MALRD1: variants seen among roughly 807,000 people sequenced by gnomAD.
The protein encoded by MALRD1 is MAM and LDL receptor class A domain containing 1, also known as MAM and LDL-receptor class A domain-containing protein 1.
MALRD1 carries 247 observed loss-of-function variants against 242.1 expected under a neutral mutation model. That is an observed-to-expected ratio of 1.02 (90% CI 0.92 to 1.13). MALRD1 has a LOEUF of 1.13. MALRD1 is among the 50% of genes most tolerant of loss of function. MALRD1 has a pLI of 0.00. For missense variants in MALRD1, 2,989 were observed against 2,533.1 expected, an observed-to-expected ratio of 1.18 and a Z score of -3.86; for synonymous variants, 995 against 866.6, an observed-to-expected ratio of 1.15 and a Z score of -2.60.
At chr10:19,433,086 C>G (rs886917888) in intron 28 of MALRD1, among the ~76,000 whole-genome samples, 4 of 152,166 alleles carry the variant, frequency 2.6e-5, no homozygotes, top group Admixed American at 1.3e-4. Context: ...TACTCCTTAT[C>G]AGATTTTGCC....
chr10:19,535,184 A>G (rs1403225262), intron 32 of MALRD1, among the ~76,000 whole-genome samples: 1 of 152,098 alleles, frequency 6.6e-6, no homozygotes, highest in Non-Finnish European at 1.5e-5. Context: ...GCGCCCGACC[A>G]AAGTTTTTTT....
At chr10:19,213,290 CT>C (rs1837156519) in intron 18 of MALRD1, among the ~76,000 whole-genome samples, 3 of 152,116 alleles carry the variant, frequency 2.0e-5, no homozygotes. Flanking sequence ...AATTTATTGT[CT>C]CTCTATATTT....
intron 28 of MALRD1, among the ~76,000 whole-genome samples, chr10:19,400,969 T>C (rs1269209312): frequency 6.6e-6 from 1 of 152,054 alleles, no homozygotes; most frequent in Non-Finnish European, 1.5e-5. Context: ...TGAGCCAAGA[T>C]TGTGCCACTG....
chr10:19,697,090 G>C (rs1365719353), intron 38 of MALRD1, among the ~76,000 whole-genome samples: 1 of 152,144 alleles, frequency 6.6e-6, no homozygotes, highest in Admixed American at 6.6e-5. Flanking sequence ...TAGTGTATTT[G>C]TCTGGCTTCT....
intron 13 of MALRD1, 25 bp from the exon 14 acceptor site, chr10:19,175,181 AAC>A: frequency 8.2e-7 from 1 of 1,221,850 alleles, no homozygotes. Context: ...ATGTGTTTTT[AAC>A]AGTTTTATCT....
chr10:19,653,204 TA>T (rs748140014), intron 36 of MALRD1, among the ~76,000 whole-genome samples: 15 of 149,514 alleles, frequency 1.0e-4, no homozygotes, highest in South Asian at 6.3e-4. Context: ...TTATTATTAT[TA>T]TTTTTTTTTG....
chr10:19,107,439 A>T (rs1836502649), intron 5 of MALRD1, among the ~76,000 whole-genome samples: 1 of 151,946 alleles, frequency 6.6e-6, no homozygotes, highest in African/African-American at 2.4e-5. Context: ...TGATATAGTT[A>T]TAGCTACTGC....
intron 36 of MALRD1, among the ~76,000 whole-genome samples, chr10:19,665,978 A>G (rs1458856858): frequency 6.6e-6 from 1 of 151,624 alleles, no homozygotes; most frequent in Non-Finnish European, 1.5e-5. Flanking sequence ...CAAGCTGGTT[A>G]TATGTTCACA....
intron 29 of MALRD1, among the ~76,000 whole-genome samples, chr10:19,474,930 A>G (rs1306022583): frequency 2.0e-5 from 3 of 152,208 alleles, no homozygotes; most frequent in African/African-American, 7.2e-5. Context: ...CATTTATTAA[A>G]TGCCAAACAA....
rs774752390 is a variant in MALRD1, at chr10:19,389,440, C to T, written c.4688-12C>T. On this transcript the variant is annotated splice_polypyrimidine_tract_variant and intron_variant, in intron 27 of 39. Coordinates refer to ENST00000454679, the MANE Select transcript of MALRD1 (RefSeq NM_001142308.3). ...TATTTCGTTCTTCTCTGAATTCTGT[C>T]CTTGTTCCTAGGGCACTTCATGTAT... The T allele has an allele frequency of 4.8e-5, 74 of 1,549,258 alleles. No homozygotes were observed. Among genetic ancestry groups the T allele is most frequent in the African/African-American group, 2.6e-4 (19 of 72,982 alleles).
In MALRD1 at chr10:19,589,673, G is replaced by C. The variant is rs1837658400; in HGVS notation, c.5681-5521G>C. The stretch of plus-strand genomic sequence containing the variant: ...CCTAAGATATATAATGAGTCATCTT[G>C]TCAAAATTAATCAACAGTTTTTTGG... On this transcript the variant is annotated intron_variant, in intron 33 of 39. Coordinates refer to ENST00000454679, the MANE Select transcript of MALRD1 (RefSeq NM_001142308.3). Among the ~76,000 whole-genome samples, 3 of 152,094 alleles carry C rather than the reference G, an allele frequency of 2.0e-5. No individual in the cohort carries two copies. The South Asian group carries it at 6.2e-4, about 31-fold the overall frequency.
chr10:19,441,888 G>A (rs1346214905), intron 28 of MALRD1, among the ~76,000 whole-genome samples: 1 of 152,056 alleles, frequency 6.6e-6, no homozygotes, highest in African/African-American at 2.4e-5. Context: ...TGGTAGCTTG[G>A]TGGGGATAAC....
Position 19,144,335 on chromosome 10 carries a change from A to G in MALRD1, c.1412-1863A>G, listed in dbSNP as rs941400754. Among the ~76,000 whole-genome samples the G allele has an allele frequency of 3.9e-5, 6 of 152,220 alleles. No individual in the cohort carries two copies. The East Asian group carries it at 9.6e-4, about 24-fold the overall frequency. On this transcript the variant is annotated intron_variant, in intron 10 of 39. Transcript: ENST00000454679. ...ACCACTATTGGTTGAATCTGCAACA[A>G]GGAACCCACAGATATGGAAGACCCA...
At chr10:19,604,481 A>G (rs562961525) in intron 34 of MALRD1, among the ~76,000 whole-genome samples, 2 of 152,312 alleles carry the variant, frequency 1.3e-5, no homozygotes, top group African/African-American at 4.8e-5. Flanking sequence ...AAGAAAAGCT[A>G]GAAGATAGCA....
intron 21 of MALRD1, among the ~76,000 whole-genome samples, chr10:19,322,222 A>G (rs1392554068): frequency 6.6e-6 from 1 of 152,152 alleles, no homozygotes; most frequent in Non-Finnish European, 1.5e-5. Context: ...ATCTGGATGT[A>G]TAAGTATATA....
At chr10:19,178,194 A>G (rs1344919494) in intron 14 of MALRD1, among the ~76,000 whole-genome samples, 2 of 152,238 alleles carry the variant, frequency 1.3e-5, no homozygotes, top group Non-Finnish European at 2.9e-5. Flanking sequence ...CTGAACACCA[A>G]ATCAGTTGGA....
chr10:19,471,612 A>AT (rs34751709), intron 29 of MALRD1, among the ~76,000 whole-genome samples: 27,502 of 126,850 alleles, frequency 0.22, 2,984 homozygotes, highest in Non-Finnish European at 0.25. Flanking sequence ...TTTTCTCAGG[A>AT]TTTTTTTTTT....
At chr10:19,731,459 A>G (rs1043995473) in intron 39 of MALRD1, among the ~76,000 whole-genome samples, 1 of 151,900 alleles carries the variant, frequency 6.6e-6, no homozygotes, top group Non-Finnish European at 1.5e-5. Context: ...CAATGAAACT[A>G]TTTAAAATAT....
chr10:19,239,447 T>A (rs1267182381), intron 18 of MALRD1, among the ~76,000 whole-genome samples: 1 of 152,174 alleles, frequency 6.6e-6, no homozygotes, highest in Admixed American at 6.5e-5. Context: ...ATTCTGTAAG[T>A]TGTCTTTTCA....
Sources: gnomAD v4.1 joint callset for allele counts (sites outside exome capture counted in the v4.1 genomes callset) on GRCh38, gnomAD v4.1.1 for gene constraint, MANE v1.5 for transcripts, NCBI Gene and HGNC (gene_info 2026-07-23, HGNC 2026-07-21) for gene names.